Variants in GNPNAT1 observed in about 807,000 individuals in gnomAD.
The protein encoded by GNPNAT1 is glucosamine-phosphate N-acetyltransferase 1, also known as glucosamine 6-phosphate N-acetyltransferase.
In GNPNAT1, 11 loss-of-function variants were observed where a neutral mutation model predicts 19.8. The observed-to-expected ratio is 0.56, with a 90% CI of 0.35 to 0.92. GNPNAT1 has a LOEUF of 0.92. Ranked by LOEUF, GNPNAT1 falls within the 40% of genes least tolerant of loss-of-function variation. The pLI, the probability that GNPNAT1 is intolerant of heterozygous loss-of-function variation, is 0.01. For synonymous variants in GNPNAT1, 71 were observed against 72.3 expected (o/e 0.98, Z 0.09); for missense variants, 157 against 211.0 (o/e 0.74, Z 1.59).
chr14:52,782,135 A>G (rs1182949923), intron 3 of GNPNAT1, among the ~76,000 whole-genome samples: 1 of 152,142 alleles, frequency 6.6e-6, no homozygotes, highest in African/African-American at 2.4e-5. Flanking sequence ...CTAGCAAAAT[A>G]AAGACTAATA....
intron 1 of GNPNAT1, among the ~76,000 whole-genome samples, chr14:52,788,291 G>A (rs1210070792): frequency 1.3e-5 from 2 of 151,014 alleles, no homozygotes; most frequent in Non-Finnish European, 2.9e-5. Context: ...ATACCACCAC[G>A]CCTGGCTAAT....
intron 4 of GNPNAT1, 73 bp downstream of exon 4, chr14:52,781,711 A>G: frequency 7.2e-7 from 1 of 1,394,310 alleles, no homozygotes; most frequent in Non-Finnish European, 9.7e-7. Context: ...GAGAAAACAG[A>G]TTTGTCTAAT....
At chr14:52,783,361 C>T (rs767394303) in intron 3 of GNPNAT1, 62 bp downstream of exon 3, 6 of 1,114,162 alleles carry the variant, frequency 5.4e-6, no homozygotes, top group Non-Finnish European at 6.7e-6. Context: ...CACTGAACAG[C>T]TCTAAACAAA....
chr14:52,778,472 A>G lies in GNPNAT1; in HGVS notation c.408-14T>C, dbSNP rs1296498080. 1.3e-6 allele frequency: 2 copies of G among 1,597,412 alleles called. No homozygotes were observed. Among genetic ancestry groups the G allele is most frequent in the East Asian group, 2.2e-5 (1 of 44,624 alleles). On this transcript the variant is annotated splice_polypyrimidine_tract_variant and intron_variant, in intron 5 of 5. Coordinates refer to ENST00000216410, the MANE Select transcript of GNPNAT1 (RefSeq NM_198066.4). Reference sequence around the variant, plus strand: ...GTTGATAATAACCTGAAATTTAAAAAGGGGGTAGGGTGAGGAGATAGCATT... The same window carrying G: ...GTTGATAATAACCTGAAATTTAAAAGGGGGGTAGGGTGAGGAGATAGCATT...
At position 52,785,125 on chromosome 14, in the gene GNPNAT1, G is replaced by A. The variant is rs374993296; in HGVS notation, c.-14-461C>T. ...GTATTTTTAATAGAGACGGGATTTC[G>A]CCGTGTTAGCCAGGCTGGTCTCAAA... is the stretch of plus-strand genomic sequence containing the variant. On this transcript the variant is annotated intron_variant, in intron 1 of 5. Transcript: ENST00000216410. Among the ~76,000 whole-genome samples, 20 of 151,666 alleles carry A rather than the reference G, an allele frequency of 1.3e-4. No individual in the cohort carries two copies. The East Asian group carries it at 2.6e-3, about 20-fold the overall frequency.
chr14:52,788,468 G>A (rs1034032974), intron 1 of GNPNAT1, among the ~76,000 whole-genome samples: 5 of 152,150 alleles, frequency 3.3e-5, no homozygotes, highest in Admixed American at 1.3e-4. Context: ...TTGAGTCCAC[G>A]TGTTTTAGTG....
In GNPNAT1 at chr14:52,781,779, C is replaced by T. The variant is rs762307983; in HGVS notation, c.345+5G>A. The T allele has an allele frequency of 2.5e-6, 4 of 1,587,942 alleles. No homozygotes were observed. The highest frequency in any genetic ancestry group is 2.3e-4 in the Middle Eastern group (1 of 4,434). On this transcript the variant is annotated splice_donor_5th_base_variant and intron_variant, in intron 4 of 5. Transcript: ENST00000216410. ...CTGTCCATTTTATTTATAAGCAGCA[C>T]ATACCTTAGCACAGGAATGGATGAA...
At chr14:52,787,767 A>G (rs1455422413) in intron 1 of GNPNAT1, 2 of 152,164 alleles carry the variant, frequency 1.3e-5, no homozygotes, top group Non-Finnish European at 2.9e-5. Context: ...GTACTTAATA[A>G]GATATATGCT....
Position 52,778,395 on chromosome 14 carries a change from A to G in GNPNAT1, c.471T>C (p.Cys157=), listed in dbSNP as rs184041356. The G allele has an allele frequency of 3.7e-6, 6 of 1,608,626 alleles. No individual in the cohort carries two copies. In the Admixed American group the frequency reaches 1.0e-4, roughly 27 times the overall value. ...KLNCYKITLE[C]LPQNVGFYKK... ...TATAGAAACCAACATTTTGTGGTAGACATTCAAGGGTAATCTTGTAACAGT... is the reference window on the plus strand; with the variant it reads ...TATAGAAACCAACATTTTGTGGTAGGCATTCAAGGGTAATCTTGTAACAGT... The change falls in exon 6 of 6, where the codon TGT becomes TGC. Residue 157 remains cysteine (C), a synonymous_variant. Transcript: ENST00000216410.
intron 1 of GNPNAT1, among the ~76,000 whole-genome samples, chr14:52,787,367 G>T (rs185875892): frequency 6.6e-6 from 1 of 152,070 alleles, no homozygotes; most frequent in African/African-American, 2.4e-5. Context: ...GTTATGGGAA[G>T]GTAGTGTGAT....
intron 5 of GNPNAT1, among the ~76,000 whole-genome samples, chr14:52,779,218 G>C (rs565131467): frequency 3.9e-5 from 6 of 152,090 alleles, no homozygotes; most frequent in Non-Finnish European, 8.8e-5. Context: ...ATTTGTGAAG[G>C]TGTGTATCAG....
intron 1 of GNPNAT1, among the ~76,000 whole-genome samples, chr14:52,786,696 C>T (rs968019731): frequency 5.3e-5 from 8 of 151,718 alleles, no homozygotes; most frequent in Middle Eastern, 3.4e-3. Flanking sequence ...AGAGAAGTAA[C>T]GATAGGAAGG....
intron 1 of GNPNAT1, among the ~76,000 whole-genome samples, chr14:52,786,857 A>ATTTTTT (rs567085170): frequency 1.1e-4 from 11 of 98,694 alleles, no homozygotes; most frequent in Admixed American, 2.5e-4. Flanking sequence ...CAGGTTTTGG[A>ATTTTTT]TTTTTTTTTT....
At chr14:52,781,034 G>A (rs1412897537) in intron 4 of GNPNAT1, among the ~76,000 whole-genome samples, 1 of 152,102 alleles carries the variant, frequency 6.6e-6, no homozygotes, top group Non-Finnish European at 1.5e-5. Context: ...CTACTAGTAT[G>A]AGAGTACTAC....
chr14:52,782,624 GTC>G (rs1485405734), intron 3 of GNPNAT1, among the ~76,000 whole-genome samples: 6 of 152,106 alleles, frequency 3.9e-5, no homozygotes, highest in Admixed American at 2.6e-4. Flanking sequence ...GAGGCTAATA[GTC>G]TCTCATATTG....
Position 52,776,394 on chromosome 14 carries a change from C to A in GNPNAT1, c.*1917G>T, listed in dbSNP as rs1882721012. 6.6e-6 allele frequency: 1 copy of A among 152,106 alleles called. No individual in the cohort carries two copies. Among genetic ancestry groups the A allele is most frequent in the African/African-American group, 2.4e-5 (1 of 41,402 alleles). 9.4% of individuals were successfully genotyped at this position (152,106 alleles called of 1,614,324 possible). A position where few individuals can be genotyped will look rare whatever the true frequency, so the allele number is the denominator to read the frequency against. On this transcript the variant is annotated 3_prime_UTR_variant, in exon 6 of 6. Transcript: ENST00000216410. ...AATGACACAATTTTTGTATGGTGTA[C>A]CTTACCTGTAATTCTATTTCCTATG...
intron 5 of GNPNAT1, 150 bp downstream of exon 5, chr14:52,780,529 C>CT (rs1882869120): frequency 1.7e-6 from 1 of 576,750 alleles, no homozygotes; most frequent in Non-Finnish European, 3.1e-6. Flanking sequence ...TATAATAATA[C>CT]TTTATTTCTT....
intron 3 of GNPNAT1, among the ~76,000 whole-genome samples, chr14:52,782,505 T>C (rs937472977): frequency 6.6e-6 from 1 of 152,024 alleles, no homozygotes; most frequent in Admixed American, 6.6e-5. Context: ...ACATAGCAAA[T>C]AGGTGCAAAG....
In GNPNAT1 at chr14:52,776,747, G is replaced by C. The variant is rs558451336; in HGVS notation, c.*1564C>G. On this transcript the variant is annotated 3_prime_UTR_variant, in exon 6 of 6. Coordinates refer to ENST00000216410, the MANE Select transcript of GNPNAT1 (RefSeq NM_198066.4). ...ATTTTTCTTTTTTTTAGTAGAGACAGGGTTTCACCATTTTGGTCAGGCTGG... is the reference window on the plus strand; with the variant it reads ...ATTTTTCTTTTTTTTAGTAGAGACACGGTTTCACCATTTTGGTCAGGCTGG... 2 of 152,104 alleles carry C rather than the reference G, an allele frequency of 1.3e-5. No individual in the cohort carries two copies. The highest frequency in any genetic ancestry group is 2.9e-5 in the Non-Finnish European group (2 of 68,036). 9.4% of individuals were successfully genotyped at this position (152,104 alleles called of 1,614,324 possible). A position where few individuals can be genotyped will look rare whatever the true frequency, so the allele number is the denominator to read the frequency against.
Sources: gnomAD v4.1 joint callset for allele counts (sites outside exome capture counted in the v4.1 genomes callset) on GRCh38, gnomAD v4.1.1 for gene constraint, MANE v1.5 for transcripts, NCBI Gene and HGNC (gene_info 2026-07-23, HGNC 2026-07-21) for gene names.